Variants in FBXL13 observed in about 807,000 individuals in gnomAD.
FBXL13 encodes F-box and leucine rich repeat protein 13, also known as F-box and leucine-rich repeat protein 13.
Under a neutral mutation model 83.6 loss-of-function variants are expected in FBXL13, and 67 were observed. The ratio of observed to expected loss-of-function variants is 0.80; its 90% confidence interval spans 0.66 to 0.98. The LOEUF is 0.98. Among genes scored for constraint, FBXL13 ranks in the 50% least tolerant of loss-of-function variants. The pLI is 0.00. For synonymous variants in FBXL13, 272 were observed against 299.5 expected (o/e 0.91, Z 0.95); for missense variants, 822 against 866.5 (o/e 0.95, Z 0.64).
At chr7:102,907,728 C>T (rs1813983499) in intron 11 of FBXL13, among the ~76,000 whole-genome samples, 1 of 152,086 alleles carries the variant, frequency 6.6e-6, no homozygotes, top group Admixed American at 6.5e-5. Context: ...CATTGATGGA[C>T]ATTTGGGTTG....
rs372238022 is a variant in FBXL13 at position 102,884,207 on chromosome 7, T to A, written c.1107+7A>T. On this transcript the variant is annotated splice_region_variant and intron_variant, in intron 12 of 19. Transcript: ENST00000313221. ...CAGAAAAGTAAAGGTACTTCCCAACTACCTACTTTTACACAGTTGTCCGTC... is the reference window on the plus strand; with the variant it reads ...CAGAAAAGTAAAGGTACTTCCCAACAACCTACTTTTACACAGTTGTCCGTC... 1 of 1,601,702 alleles carries A rather than the reference T, an allele frequency of 6.2e-7. No homozygotes were observed. Among genetic ancestry groups the A allele is most frequent in the African/African-American group, 1.3e-5 (1 of 74,700 alleles).
At chr7:103,028,804 C>A in intron 3 of FBXL13, 56 bp from the exon 5 acceptor site, 3 of 1,362,458 alleles carry the variant, frequency 2.2e-6, no homozygotes, top group Non-Finnish European at 1.9e-6. Context: ...GGCAATATAT[C>A]ATTAAATAAA....
intron 17 of FBXL13, among the ~76,000 whole-genome samples, chr7:102,854,420 T>C (rs1203864588): frequency 3.9e-5 from 6 of 152,196 alleles, no homozygotes; most frequent in Non-Finnish European, 8.8e-5. Context: ...TACCTAATGC[T>C]AGATGACGAG....
chr7:102,879,439 A>ATGTGTGTGTGTGTGTGTGTGTGTGTG (rs139051886), intron 14 of FBXL13, among the ~76,000 whole-genome samples: 3 of 144,698 alleles, frequency 2.1e-5, no homozygotes, highest in African/African-American at 7.8e-5. Flanking sequence ...GCAGTTAAGG[A>ATGTGTGTGTGTGTGTGTGTGTGTGTG]TGTGTGTGTG....
At chr7:102,956,846 C>G (rs1205116292) in intron 8 of FBXL13, among the ~76,000 whole-genome samples, 1 of 152,102 alleles carries the variant, frequency 6.6e-6, no homozygotes, top group African/African-American at 2.4e-5. Context: ...AGGACCTCTT[C>G]AAGGAGAACT....
chr7:102,933,787 C>G, intron 8 of FBXL13: 1 of 981,370 alleles, frequency 1.0e-6, no homozygotes, highest in African/African-American at 1.6e-5. Flanking sequence ...AGGGACTCCA[C>G]GTACCCCAGC....
At chr7:103,018,235 G>T (rs1240784386) in intron 6 of FBXL13, among the ~76,000 whole-genome samples, 2 of 152,146 alleles carry the variant, frequency 1.3e-5, no homozygotes, top group East Asian at 3.9e-4. Context: ...AGCTTCATAA[G>T]TGAAGGAGAA....
intron 2 of FBXL13, among the ~76,000 whole-genome samples, chr7:103,052,756 CTT>C (rs67278019): frequency 4.7e-4 from 63 of 134,244 alleles, no homozygotes; most frequent in Non-Finnish European, 5.4e-4. Context: ...AATTCCTTTT[CTT>C]TTTTTTTTTT....
intron 18 of FBXL13, among the ~76,000 whole-genome samples, chr7:102,825,120 T>C (rs988633941): frequency 2.0e-5 from 3 of 152,220 alleles, no homozygotes; most frequent in Non-Finnish European, 4.4e-5. Context: ...ATAAATACAG[T>C]CTTTTCCAAG....
chr7:103,013,211 C>G (rs372528203), intron 6 of FBXL13, among the ~76,000 whole-genome samples: 4 of 152,196 alleles, frequency 2.6e-5, no homozygotes, highest in African/African-American at 7.2e-5. Flanking sequence ...CCCACTGACA[C>G]TATTGAACAG....
At chr7:103,010,093 G>A (rs1000389190) in intron 6 of FBXL13, among the ~76,000 whole-genome samples, 1 of 151,866 alleles carries the variant, frequency 6.6e-6, no homozygotes, top group Non-Finnish European at 1.5e-5. Flanking sequence ...CCGGGTGCCA[G>A]AGCTTCTAGC....
chr7:102,864,518 G>A (rs1432313702), intron 16 of FBXL13, among the ~76,000 whole-genome samples: 2 of 152,040 alleles, frequency 1.3e-5, no homozygotes, highest in Non-Finnish European at 2.9e-5. Context: ...ACAGGCGCCC[G>A]CCACCATGCC....
At chr7:102,851,135 T>G (rs1439381369) in intron 17 of FBXL13, among the ~76,000 whole-genome samples, 1 of 152,172 alleles carries the variant, frequency 6.6e-6, no homozygotes, top group Non-Finnish European at 1.5e-5. Context: ...TTTTTTATTC[T>G]TACTACCTTA....
chr7:102,872,339 G>A (rs1808634926), intron 16 of FBXL13, among the ~76,000 whole-genome samples: 1 of 152,024 alleles, frequency 6.6e-6, no homozygotes, highest in African/African-American at 2.4e-5. Context: ...TTAATCTAGT[G>A]CCTACTACTT....
chr7:102,832,019 G>C (rs989764196), intron 18 of FBXL13, among the ~76,000 whole-genome samples: 5 of 151,964 alleles, frequency 3.3e-5, no homozygotes, highest in Admixed American at 1.3e-4. Context: ...AAAAAACAAG[G>C]CAAAACACAA....
At chr7:102,934,676 A>G (rs1179278272) in intron 8 of FBXL13, 4 of 1,585,674 alleles carry the variant, frequency 2.5e-6, no homozygotes, top group Middle Eastern at 1.7e-4. Context: ...ACTGGACTGC[A>G]AAAGGAAAGG....
intron 17 of FBXL13, among the ~76,000 whole-genome samples, chr7:102,837,309 G>A (rs1451165042): frequency 6.6e-6 from 1 of 152,158 alleles, no homozygotes; most frequent in Non-Finnish European, 1.5e-5. Context: ...GGCTGAGCAA[G>A]GCTTAGCAAA....
At chr7:103,020,151 G>A (rs1407184731) in intron 6 of FBXL13, among the ~76,000 whole-genome samples, 2 of 152,176 alleles carry the variant, frequency 1.3e-5, no homozygotes, top group Non-Finnish European at 2.9e-5. Context: ...TCATCCCTGG[G>A]ATGCAAGGCT....
At chr7:102,860,984 T>C (rs562658445) in intron 16 of FBXL13, among the ~76,000 whole-genome samples, 4 of 145,970 alleles carry the variant, frequency 2.7e-5, no homozygotes, top group Non-Finnish European at 6.0e-5. Context: ...TATAGTTATA[T>C]ATATATACAC....
Sources: allele counts gnomAD v4.1 joint callset (sites outside exome capture counted in the v4.1 genomes callset), GRCh38; gene constraint gnomAD v4.1.1; transcripts MANE v1.5; gene names NCBI Gene and HGNC (gene_info 2026-07-23, HGNC 2026-07-21).